The following LZTFL1 variants were observed in gnomAD, a reference collection of about 807,000 sequenced individuals.
LZTFL1 encodes leucine zipper transcription factor-like protein 1.
In LZTFL1, 25 loss-of-function variants were observed where a neutral mutation model predicts 45.9. That is an observed-to-expected ratio of 0.54 (90% CI 0.40 to 0.76). The LOEUF is 0.76. Among genes scored for constraint, LZTFL1 ranks in the 30% least tolerant of loss-of-function variants. The probability of loss-of-function intolerance (pLI) is 0.00; values close to 1 mark genes in which losing one functional copy is unlikely to be tolerated. For missense variants in LZTFL1, 277 were observed against 331.1 expected (o/e 0.84, Z 1.27); for synonymous variants, 93 against 117.4 (o/e 0.79, Z 1.35).
At chr3:45,845,182 T>G (rs558999997), upstream of LZTFL1, among the ~76,000 whole-genome samples, 1 of 152,322 alleles carries the variant, frequency 6.6e-6, no homozygotes, top group South Asian at 2.1e-4. Context: ...AAGCTCAGTC[T>G]GTATATTCAG....
intron 2 of LZTFL1, among the ~76,000 whole-genome samples, chr3:45,875,449 A>C (rs961822442): frequency 1.3e-5 from 2 of 151,890 alleles, no homozygotes; most frequent in African/African-American, 2.4e-5. Context: ...TGGCTCTAGC[A>C]CTTACTAGCT....
intron 2 of LZTFL1, among the ~76,000 whole-genome samples, chr3:45,882,797 CTATTAT>C (rs10575190): frequency 0.037 from 5,335 of 145,410 alleles, 103 homozygotes; most frequent in South Asian, 0.049. Context: ...AAAGGGGATA[CTATTAT>C]TATTATTATT....
In LZTFL1 at chr3:45,834,306, A is replaced by G; in HGVS notation, c.324-8T>C. 1 of 1,527,542 alleles carries G rather than the reference A, an allele frequency of 6.5e-7. No homozygotes were observed. Among genetic ancestry groups the G allele is most frequent in the Non-Finnish European group, 9.0e-7 (1 of 1,106,832 alleles). 94.6% of individuals were successfully genotyped at this position (1,527,542 alleles called of 1,614,324 possible). A position where few individuals can be genotyped will look rare whatever the true frequency, so the allele number is the denominator to read the frequency against. ...ACTTGTTCTAATAATTCTCTTGAAG[A>G]AGAAAGCAAAGATAAAAATTATTCA... On this transcript the variant is annotated splice_polypyrimidine_tract_variant and splice_region_variant and intron_variant, in intron 3 of 9. Transcript: ENST00000296135.
intron 2 of LZTFL1, among the ~76,000 whole-genome samples, chr3:45,907,371 C>A (rs1702703305): frequency 6.6e-6 from 1 of 152,226 alleles, no homozygotes; most frequent in Non-Finnish European, 1.5e-5. Flanking sequence ...GAACACTGTG[C>A]CTGCTCCACC....
At chr3:45,865,808 G>C (rs1701569659) in intron 2 of LZTFL1, among the ~76,000 whole-genome samples, 1 of 152,204 alleles carries the variant, frequency 6.6e-6, no homozygotes, top group Non-Finnish European at 1.5e-5. Context: ...TTACCCAAGA[G>C]AGAAAGAAAT....
intron 1 of LZTFL1, among the ~76,000 whole-genome samples, chr3:45,839,836 C>T (rs1701060575): frequency 6.6e-6 from 1 of 152,158 alleles, no homozygotes; most frequent in Non-Finnish European, 1.5e-5. Flanking sequence ...TCACTGAATT[C>T]CTACCCACCC....
intron 2 of LZTFL1, among the ~76,000 whole-genome samples, chr3:45,877,655 C>G (rs980326130): frequency 6.6e-6 from 1 of 151,420 alleles, no homozygotes; most frequent in African/African-American, 2.4e-5. Flanking sequence ...GAAAATTGGG[C>G]TGTTATTTCT....
intron 2 of LZTFL1, among the ~76,000 whole-genome samples, chr3:45,879,180 CTT>C (rs2125724385): frequency 6.6e-6 from 1 of 152,252 alleles, no homozygotes; most frequent in East Asian, 1.9e-4. Flanking sequence ...TGAGCTGAAA[CTT>C]ATGGCCACAC....
intron 2 of LZTFL1, among the ~76,000 whole-genome samples, chr3:45,874,343 C>T (rs942475251): frequency 4.6e-5 from 7 of 152,142 alleles, no homozygotes; most frequent in Admixed American, 2.0e-4. Context: ...GTTGCTCTCC[C>T]GTGTACTTGC....
chr3:45,838,463 C>T (rs574534647), intron 1 of LZTFL1, among the ~76,000 whole-genome samples: 1 of 152,322 alleles, frequency 6.6e-6, no homozygotes, highest in East Asian at 1.9e-4. Flanking sequence ...TCTCACTGAA[C>T]TGAGATGAGC....
chr3:45,843,910 C>T (rs1027906780), upstream of LZTFL1, among the ~76,000 whole-genome samples: 4 of 152,130 alleles, frequency 2.6e-5, no homozygotes, highest in Admixed American at 6.5e-5. Flanking sequence ...CAGCTCCATC[C>T]TACTTTACTA....
intron 2 of LZTFL1, among the ~76,000 whole-genome samples, chr3:45,881,020 C>T (rs1007939030): frequency 1.1e-4 from 17 of 152,062 alleles, no homozygotes; most frequent in Non-Finnish European, 2.2e-4. Flanking sequence ...TGAGATAATG[C>T]GTGTGAGGGC....
chr3:45,872,269 A>G (rs1701682349), intron 2 of LZTFL1, among the ~76,000 whole-genome samples: 1 of 152,202 alleles, frequency 6.6e-6, no homozygotes, highest in African/African-American at 2.4e-5. Context: ...AAATACAAGT[A>G]TAAACCCCAA....
At chr3:45,891,891 C>T (rs958560918) in intron 2 of LZTFL1, among the ~76,000 whole-genome samples, 4 of 152,094 alleles carry the variant, frequency 2.6e-5, no homozygotes, top group Non-Finnish European at 5.9e-5. Flanking sequence ...TTTAGGTTGA[C>T]CTTTTTTCCA....
chr3:45,907,725 C>T (rs1702709909), intron 2 of LZTFL1, among the ~76,000 whole-genome samples: 1 of 152,194 alleles, frequency 6.6e-6, no homozygotes, highest in African/African-American at 2.4e-5. Context: ...CTTTCCTTCA[C>T]AGCACTCCTC....
intron 1 of LZTFL1, among the ~76,000 whole-genome samples, chr3:45,913,709 T>C (rs1437700552): frequency 6.6e-6 from 1 of 152,160 alleles, no homozygotes; most frequent in Non-Finnish European, 1.5e-5. Flanking sequence ...AGGGTAAAGA[T>C]GCCATTTTTT....
upstream of LZTFL1, among the ~76,000 whole-genome samples, chr3:45,842,519 G>C (rs1255736093): frequency 6.6e-6 from 1 of 152,110 alleles, no homozygotes; most frequent in Admixed American, 6.5e-5. Context: ...CATCAGGGTG[G>C]CTGAGACAGG....
In LZTFL1 at chr3:45,853,485, A is replaced by G. The variant is rs559000342; in HGVS notation, c.-49+1501T>C. 5.9e-5 allele frequency among the ~76,000 whole-genome samples: 9 copies of G among 152,286 alleles called. No individual in the cohort carries two copies. In the East Asian group the frequency reaches 1.2e-3, roughly 20 times the overall value. ...AGAGAGCAAAATTATTAAATGTGTAATAAGTGTCATGGGGCTACAAAAAGA... is the reference window on the plus strand; with the variant it reads ...AGAGAGCAAAATTATTAAATGTGTAGTAAGTGTCATGGGGCTACAAAAAGA... On this transcript the variant is annotated intron_variant, in intron 4 of 4. Transcript: ENST00000472635.
intron 2 of LZTFL1, among the ~76,000 whole-genome samples, chr3:45,894,058 A>G (rs912434081): frequency 1.3e-5 from 2 of 152,160 alleles, no homozygotes; most frequent in Non-Finnish European, 2.9e-5. Context: ...TGTACTCGCT[A>G]AGGGTATAAA....
Sources: allele counts gnomAD v4.1 joint callset (sites outside exome capture counted in the v4.1 genomes callset), GRCh38; gene constraint gnomAD v4.1.1; transcripts MANE v1.5; gene names NCBI Gene and HGNC (gene_info 2026-07-23, HGNC 2026-07-21).